Variants in RBFOX1 observed in about 807,000 individuals in gnomAD.
RBFOX1 encodes RNA binding protein fox-1 homolog 1.
RBFOX1 carries 8 observed loss-of-function variants against 57.7 expected under a neutral mutation model. The observed-to-expected ratio is 0.14, with a 90% confidence interval of 0.08 to 0.25. RBFOX1 has a LOEUF of 0.25. RBFOX1 is among the 10% of genes least tolerant of loss of function. The pLI is 1.00. For synonymous variants in RBFOX1, 326 were observed against 222.4 expected (o/e 1.47, Z -4.15); for missense variants, 611 against 548.5 (o/e 1.11, Z -1.14).
At chr16:7,465,324 G>A (rs1479344720) in intron 4 of RBFOX1, among the ~76,000 whole-genome samples, 1 of 152,164 alleles carries the variant, frequency 6.6e-6, no homozygotes, top group Non-Finnish European at 1.5e-5. Context: ...TCTCGTGTTG[G>A]GTGGGATCCT....
At chr16:6,044,135 G>A (rs1338027369) in intron 1 of RBFOX1, among the ~76,000 whole-genome samples, 1 of 152,136 alleles carries the variant, frequency 6.6e-6, no homozygotes, top group African/African-American at 2.4e-5. Flanking sequence ...CAGTGACTGA[G>A]GGTAGTCATA....
intron 3 of RBFOX1, among the ~76,000 whole-genome samples, chr16:6,957,782 G>A (rs948644954): frequency 2.0e-5 from 3 of 152,048 alleles, no homozygotes; most frequent in Non-Finnish European, 2.9e-5. Context: ...TGTTGGGCTG[G>A]GATACCTTAG....
At chr16:6,069,639 A>G (rs920344590) in intron 1 of RBFOX1, among the ~76,000 whole-genome samples, 2 of 152,216 alleles carry the variant, frequency 1.3e-5, no homozygotes, top group African/African-American at 4.8e-5. Context: ...AGGAAGTAAC[A>G]GAACATTTCA....
intron 1 of RBFOX1, among the ~76,000 whole-genome samples, chr16:6,235,357 C>G (rs923481483): frequency 4.6e-5 from 7 of 152,146 alleles, no homozygotes; most frequent in African/African-American, 1.7e-4. Context: ...GATTCCCTCC[C>G]TTTCCACCAG....
At chr16:6,517,082 C>G (rs1240107765) in intron 2 of RBFOX1, among the ~76,000 whole-genome samples, 2 of 152,148 alleles carry the variant, frequency 1.3e-5, no homozygotes. Flanking sequence ...GAAGGCATGT[C>G]CAAGGTTGTG....
intron 2 of RBFOX1, among the ~76,000 whole-genome samples, chr16:6,577,585 A>C (rs57449373): frequency 6.6e-6 from 1 of 152,328 alleles, no homozygotes; most frequent in African/African-American, 2.4e-5. Flanking sequence ...GGGACACTCT[A>C]CAGAGAAGCT....
chr16:6,832,626 T>C (rs1349020778), intron 3 of RBFOX1, among the ~76,000 whole-genome samples: 1 of 152,206 alleles, frequency 6.6e-6, no homozygotes, highest in Non-Finnish European at 1.5e-5. Context: ...ACCTTTTTGT[T>C]GCTTCCTGCC....
chr16:5,862,787 C>T (rs539680272), intron 3 of RBFOX1, among the ~76,000 whole-genome samples: 41 of 152,290 alleles, frequency 2.7e-4, no homozygotes, highest in African/African-American at 9.6e-4. Flanking sequence ...AGACCTAACA[C>T]GACCCTATAA....
chr16:5,973,533 C>T (rs576314850), intron 4 of RBFOX1, among the ~76,000 whole-genome samples: 1 of 152,108 alleles, frequency 6.6e-6, no homozygotes, highest in African/African-American at 2.4e-5. Flanking sequence ...ATATGAAGGA[C>T]CAGTCTCGAT....
At chr16:6,676,164 A>G (rs988558615) in intron 3 of RBFOX1, among the ~76,000 whole-genome samples, 17 of 151,948 alleles carry the variant, frequency 1.1e-4, no homozygotes, top group South Asian at 4.2e-4. Flanking sequence ...ACACACACAC[A>G]CACACACACA....
chr16:6,078,500 G>A (rs1311387382), intron 1 of RBFOX1, among the ~76,000 whole-genome samples: 2 of 152,042 alleles, frequency 1.3e-5, no homozygotes, highest in East Asian at 3.9e-4. Context: ...GCTCAGGGAA[G>A]CCAAAAGACT....
At chr16:6,247,568 C>T (rs1479368026) in intron 1 of RBFOX1, among the ~76,000 whole-genome samples, 1 of 152,136 alleles carries the variant, frequency 6.6e-6, no homozygotes, top group Non-Finnish European at 1.5e-5. Context: ...GCCTGTTGTG[C>T]CAAGCTTTGT....
chr16:5,914,609 G>A (rs978111760), intron 4 of RBFOX1, among the ~76,000 whole-genome samples: 2 of 152,148 alleles, frequency 1.3e-5, no homozygotes, highest in Admixed American at 1.3e-4. Context: ...AAAAAAAAGG[G>A]AGAGAGGCCG....
At chr16:6,725,276 C>G (rs9934913) in intron 3 of RBFOX1, among the ~76,000 whole-genome samples, 22,384 of 151,806 alleles carry the variant, frequency 0.15, 1,913 homozygotes, top group Non-Finnish European at 0.17. Context: ...TGGTCTGGAT[C>G]TCCTGACCTC....
At chr16:6,629,515 A>C (rs1342247831) in intron 2 of RBFOX1, among the ~76,000 whole-genome samples, 1 of 152,162 alleles carries the variant, frequency 6.6e-6, no homozygotes, top group African/African-American at 2.4e-5. Context: ...AATGGGTTAT[A>C]CTTTCATCTT....
At chr16:7,634,677 C>T (rs1291251115) in intron 11 of RBFOX1, among the ~76,000 whole-genome samples, 2 of 152,102 alleles carry the variant, frequency 1.3e-5, no homozygotes, top group African/African-American at 4.8e-5. Context: ...ACAACTAATT[C>T]CGTAGACTCT....
intron 4 of RBFOX1, among the ~76,000 whole-genome samples, chr16:7,102,552 C>CGGCTT (rs923836282): frequency 2.0e-5 from 3 of 152,066 alleles, no homozygotes; most frequent in Non-Finnish European, 4.4e-5. Flanking sequence ...TTAAGGTTTG[C>CGGCTT]GGCTTGGATA....
At chr16:6,114,275 ATTC>A (rs372963082) in intron 1 of RBFOX1, among the ~76,000 whole-genome samples, 315 of 152,308 alleles carry the variant, frequency 2.1e-3, no homozygotes, top group African/African-American at 6.6e-3. Context: ...CAGTGAGGAA[ATTC>A]TTCTGTCGTT....
intron 3 of RBFOX1, among the ~76,000 whole-genome samples, chr16:6,849,675 A>T (rs142367855): frequency 1.2e-4 from 18 of 152,084 alleles, no homozygotes; most frequent in Admixed American, 4.6e-4. Context: ...TCTCAAAAAA[A>T]CAAAACAAAA....
Sources: gnomAD v4.1 joint callset for allele counts (sites outside exome capture counted in the v4.1 genomes callset) on GRCh38, gnomAD v4.1.1 for gene constraint, MANE v1.5 for transcripts, NCBI Gene and HGNC (gene_info 2026-07-23, HGNC 2026-07-21) for gene names.